The following PRDM16 variants were observed in gnomAD, a reference collection of about 807,000 sequenced individuals.
PRDM16 encodes the protein histone-lysine N-methyltransferase PRDM16.
PRDM16 carries 23 observed loss-of-function variants against 110.6 expected under a neutral mutation model. That is an observed-to-expected ratio of 0.21 (90% confidence interval 0.15 to 0.29). The LOEUF is 0.29. Among genes scored for constraint, PRDM16 ranks in the 10% least tolerant of loss-of-function variants. PRDM16 has a pLI of 1.00. For missense variants in PRDM16, 1,615 were observed against 1,794.3 expected, an observed-to-expected ratio of 0.90 and a Z score of 1.81; for synonymous variants, 799 against 781.8, an observed-to-expected ratio of 1.02 and a Z score of -0.37.
chr1:3,384,995 G>A (rs1343139912), intron 3 of PRDM16, among the ~76,000 whole-genome samples, 157 bp from the exon 4 acceptor site: 1 of 152,186 alleles, frequency 6.6e-6, no homozygotes, highest in Non-Finnish European at 1.5e-5. Flanking sequence ...GGGTGGGCTG[G>A]GAGCCCCGCT....
intron 2 of PRDM16, among the ~76,000 whole-genome samples, chr1:3,230,104 C>T (rs959439612): frequency 2.0e-5 from 3 of 152,200 alleles, no homozygotes; most frequent in African/African-American, 7.2e-5. Flanking sequence ...TACAGGGTCA[C>T]TGTGAGATGA....
intron 1 of PRDM16, among the ~76,000 whole-genome samples, chr1:3,124,052 T>G (rs1288105622): frequency 6.6e-6 from 1 of 152,184 alleles, no homozygotes; most frequent in Non-Finnish European, 1.5e-5. Flanking sequence ...GACGCTGCCT[T>G]TGGGACCCCA....
rs374861357 is a variant in PRDM16 at position 3,431,952 on chromosome 1, G to A, written c.3522-14G>A. Reference sequence around the variant, plus strand: ...CTGACAGCAGGCCTTCCCTCTCCCCGGTCATTGGTGCAGGTGTGCTGAGGA... The same window carrying A: ...CTGACAGCAGGCCTTCCCTCTCCCCAGTCATTGGTGCAGGTGTGCTGAGGA... On this transcript the variant is annotated splice_polypyrimidine_tract_variant and intron_variant, in intron 15 of 16. Transcript: ENST00000270722. 20 of 1,608,060 alleles carry A rather than the reference G, an allele frequency of 1.2e-5. No individual in the cohort carries two copies. Among genetic ancestry groups the A allele is most frequent in the Admixed American group, 6.7e-5 (4 of 59,814 alleles).
chr1:3,386,211 C>T (rs1643195303), intron 4 of PRDM16, among the ~76,000 whole-genome samples: 1 of 151,658 alleles, frequency 6.6e-6, no homozygotes, highest in Non-Finnish European at 1.5e-5. Flanking sequence ...CCTGTAATAT[C>T]TTGGGGTCAT....
At chr1:3,179,067 G>A (rs12727713) in intron 1 of PRDM16, among the ~76,000 whole-genome samples, 7,895 of 152,324 alleles carry the variant, frequency 0.052, 228 homozygotes, top group Admixed American at 0.072. Context: ...TGATGTTACT[G>A]TCAGGGCCTT....
At chr1:3,387,913 T>C (rs1173443273) in intron 4 of PRDM16, among the ~76,000 whole-genome samples, 1 of 152,278 alleles carries the variant, frequency 6.6e-6, no homozygotes, top group Non-Finnish European at 1.5e-5. Context: ...AGGGATATAA[T>C]AGATTTCAAT....
At chr1:3,104,759 G>A (rs1642612580) in intron 1 of PRDM16, among the ~76,000 whole-genome samples, 1 of 151,934 alleles carries the variant, frequency 6.6e-6, no homozygotes. Context: ...GGCCCTCGCT[G>A]TGCATTCCTG....
intron 3 of PRDM16, among the ~76,000 whole-genome samples, chr1:3,321,886 ATGTGTT>A (rs1181536780): frequency 6.7e-6 from 1 of 149,752 alleles, no homozygotes; most frequent in African/African-American, 2.5e-5. Flanking sequence ...GGGTGCATAT[ATGTGTT>A]TGTGTTTGTA....
chr1:3,385,163 C>T lies in PRDM16; in HGVS notation c.450C>T (p.Asp150=). ...QEGCITKISE[D]LGSEKFCVDA... ...TTTCCTCCCAGCAGATCTCCGAAGA[C>T]CTGGGCAGTGAGAAGTTCTGCGTGG... Residue 150 remains aspartate (D), a synonymous_variant, in exon 4 of 17, where the codon GAC becomes GAT. Transcript: ENST00000270722. 1 of 1,613,554 alleles carries T rather than the reference C, an allele frequency of 6.2e-7. No homozygotes were observed. The highest frequency in any genetic ancestry group is 8.5e-7 in the Non-Finnish European group (1 of 1,180,012).
At chr1:3,314,071 C>CGGGGAGGGG (rs1553161918) in intron 3 of PRDM16, among the ~76,000 whole-genome samples, 1 of 100,656 alleles carries the variant, frequency 9.9e-6, no homozygotes, top group Non-Finnish European at 1.9e-5. Context: ...CCTTCCCCAC[C>CGGGGAGGGG]GGGGGGGGGG....
At chr1:3,377,359 T>A (rs756343638) in intron 3 of PRDM16, among the ~76,000 whole-genome samples, 7 of 152,204 alleles carry the variant, frequency 4.6e-5, no homozygotes, top group Non-Finnish European at 7.3e-5. Flanking sequence ...CGTTCCCACC[T>A]GCACGCACAC....
intron 3 of PRDM16, among the ~76,000 whole-genome samples, chr1:3,317,859 C>G (rs1641648007): frequency 1.3e-5 from 2 of 152,252 alleles, no homozygotes; most frequent in African/African-American, 2.4e-5. Flanking sequence ...CATATCCCAA[C>G]TCCAAAAAGA....
At chr1:3,276,653 C>T (rs942340617) in intron 3 of PRDM16, among the ~76,000 whole-genome samples, 1 of 4,010 alleles carries the variant, frequency 2.5e-4, no homozygotes, top group Non-Finnish European at 5.8e-4. Flanking sequence ...TTCAGCTCGT[C>T]GGCCCCAGCC....
At chr1:3,241,077 G>A (rs1311221524) in intron 2 of PRDM16, among the ~76,000 whole-genome samples, 1 of 152,238 alleles carries the variant, frequency 6.6e-6, no homozygotes, top group East Asian at 1.9e-4. Flanking sequence ...GAGGCTGGGG[G>A]AGCCGGGGAG....
At chr1:3,404,964 C>T (rs763278283) in intron 7 of PRDM16, 78 bp downstream of exon 7, 1 of 1,494,896 alleles carries the variant, frequency 6.7e-7, no homozygotes, top group Non-Finnish European at 9.0e-7. Flanking sequence ...GTGCTCCCTA[C>T]ACCCCCTGGT....
At position 3,265,258 on chromosome 1, in the gene PRDM16, G is replaced by A. The variant is rs1016082344; in HGVS notation, c.438+21121G>A. 1.2e-4 allele frequency among the ~76,000 whole-genome samples: 19 copies of A among 152,244 alleles called. No individual in the cohort carries two copies. Among genetic ancestry groups the A allele is most frequent in the Admixed American group, 8.5e-4 (13 of 15,294 alleles). On this transcript the variant is annotated intron_variant, in intron 3 of 16. Transcript: ENST00000270722. This position sits in a 1 kb window ranked among gnomAD's most constrained non-coding sequence, Gnocchi z 4.5. ...GGCTTGACAACAGCTTGTCCCTTAC[G>A]GTTGGGACAGAAGCCTCAGGGTGCA... is the stretch of plus-strand genomic sequence containing the variant.
chr1:3,297,993 C>T (rs1336497030), intron 3 of PRDM16, among the ~76,000 whole-genome samples: 4 of 152,198 alleles, frequency 2.6e-5, no homozygotes, highest in Non-Finnish European at 5.9e-5. Flanking sequence ...TGGCAAGCTC[C>T]GCAGGGGAAG....
At chr1:3,216,713 A>C (rs1417522245) in intron 2 of PRDM16, among the ~76,000 whole-genome samples, 1 of 152,222 alleles carries the variant, frequency 6.6e-6, no homozygotes, top group African/African-American at 2.4e-5. Context: ...GGCCTCACGA[A>C]ATCAGAGAGT....
At chr1:3,150,023 C>T (rs1487627702) in intron 1 of PRDM16, among the ~76,000 whole-genome samples, 1 of 152,222 alleles carries the variant, frequency 6.6e-6, no homozygotes, top group Non-Finnish European at 1.5e-5. Context: ...GGGGCGTGTC[C>T]ATCTCCTGTC....
Sources: gnomAD v4.1 joint callset for allele counts (sites outside exome capture counted in the v4.1 genomes callset) on GRCh38, gnomAD v4.1.1 for gene constraint, Gnocchi (gnomAD v3.1) non-coding constraint, MANE v1.5 for transcripts, NCBI Gene and HGNC (gene_info 2026-07-23, HGNC 2026-07-21) for gene names.